The following BRD7 variants were observed in gnomAD, a reference collection of about 807,000 sequenced individuals.
The protein encoded by BRD7 is bromodomain containing 7.
A neutral mutation model predicts 82.1 loss-of-function variants in BRD7; 15 were observed. The observed-to-expected ratio is 0.18, with a 90% CI of 0.12 to 0.28. The LOEUF is 0.28. Among genes scored for constraint, BRD7 ranks in the 10% least tolerant of loss-of-function variants. BRD7 has a pLI of 1.00. For synonymous variants in BRD7, 232 were observed against 266.9 expected, an observed-to-expected ratio of 0.87 and a Z score of 1.27; for missense variants, 638 against 779.9, an observed-to-expected ratio of 0.82 and a Z score of 2.17.
At chr16:50,319,808 T>G in intron 16 of BRD7, 79 bp downstream of exon 16, 2 of 1,528,840 alleles carry the variant, frequency 1.3e-6, no homozygotes, top group Non-Finnish European at 1.8e-6. Flanking sequence ...GAGGTCCTGA[T>G]ACCAATCTCG....
chr16:50,366,510 T>C (rs1366217079), intron 2 of BRD7, among the ~76,000 whole-genome samples: 1 of 152,254 alleles, frequency 6.6e-6, no homozygotes, highest in Non-Finnish European at 1.5e-5. Context: ...CAGATCTATA[T>C]TTGCATACTA....
At chr16:50,338,753 G>C (rs1217185891) in intron 6 of BRD7, among the ~76,000 whole-genome samples, 1 of 152,120 alleles carries the variant, frequency 6.6e-6, no homozygotes, top group Non-Finnish European at 1.5e-5. Flanking sequence ...CCCTTCTTTA[G>C]GGATGAGAAC....
intron 1 of BRD7, 60 bp from the exon 2 acceptor site, chr16:50,368,358 G>A (rs1358112915): frequency 1.1e-5 from 17 of 1,538,482 alleles, no homozygotes; most frequent in Non-Finnish European, 1.5e-5. Flanking sequence ...GCTCTCCAGG[G>A]AGTGCTAAGG....
chr16:50,344,879 A>T (rs1170000457), intron 5 of BRD7, among the ~76,000 whole-genome samples: 1 of 152,226 alleles, frequency 6.6e-6, no homozygotes, highest in African/African-American at 2.4e-5. Context: ...CCAACCTAGC[A>T]AGGCAGGCCA....
chr16:50,325,879 T>C lies in BRD7; in HGVS notation c.1200A>G (p.Leu400=), dbSNP rs2037317691. ...AACTGTAGGGCCCATAATTCAAATATAACACTGTTGAAAAAATCAAATACT... is the reference window on the plus strand; with the variant it reads ...AACTGTAGGGCCCATAATTCAAATACAACACTGTTGAAAAAATCAAATACT... ...EDKRNKVTPV[L]YLNYGPYSSY... Residue 400 remains leucine (L), a synonymous_variant, in exon 11 of 17, where the codon TTA becomes TTG. Transcript: ENST00000394688. The C allele has an allele frequency of 6.3e-7, 1 of 1,587,492 alleles. No individual in the cohort carries two copies. The highest frequency in any genetic ancestry group is 8.5e-7 in the Non-Finnish European group (1 of 1,173,350).
At chr16:50,352,933 C>A (rs1208497944) in intron 4 of BRD7, among the ~76,000 whole-genome samples, 1 of 152,060 alleles carries the variant, frequency 6.6e-6, no homozygotes, top group Non-Finnish European at 1.5e-5. Context: ...TACAGTCACA[C>A]CTTGTAAATT....
chr16:50,322,005 G>C lies in BRD7; in HGVS notation c.1477C>G (p.Leu493Val), dbSNP rs1188643017. 8.1e-6 allele frequency: 13 copies of C among 1,611,134 alleles called. No individual in the cohort carries two copies. The highest frequency in any genetic ancestry group is 1.0e-5 in the Non-Finnish European group (12 of 1,179,350). ...ACCTCCATTTCTTTTGCTGTGTCAA[G>C]TGTCCTAGTATGGCCTTCATCTTCA... ...LPEDEGHTRT[L>V]DTAKEMEITE... Residue 493 changes from leucine to valine, a missense_variant, in exon 13 of 17, where the codon CTT (leucine) becomes GTT (valine). Physicochemically the swap from Leu to Val is conservative, Grantham distance 32. Around this residue, in one of 3 missense-constraint regions of BRD7, gnomAD observed 402 missense variants for 500.8 expected, o/e 0.80. Transcript: ENST00000394688.
chr16:50,358,029 TA>T (rs2038804649), intron 2 of BRD7, among the ~76,000 whole-genome samples: 1 of 152,098 alleles, frequency 6.6e-6, no homozygotes, highest in Non-Finnish European at 1.5e-5. Flanking sequence ...GGCCAAACTG[TA>T]AACATTTAGG....
chr16:50,344,596 T>A (rs9930316), intron 5 of BRD7, among the ~76,000 whole-genome samples: 1 of 152,074 alleles, frequency 6.6e-6, no homozygotes, highest in African/African-American at 2.4e-5. Context: ...CTGAAAATCA[T>A]GGCACGAGGA....
intron 15 of BRD7, 55 bp from the exon 16 acceptor site, chr16:50,320,085 C>CT (rs1339786504): frequency 1.9e-6 from 3 of 1,557,788 alleles, no homozygotes; most frequent in Admixed American, 4.0e-5. Context: ...TAGATAGAGG[C>CT]ATCCCAAAGA....
Position 50,368,872 on chromosome 16 carries a change from C to T in BRD7, c.-98G>A. ...GGCGAGCGGAGGGCGGGAGCGGGGC[C>T]CGCGAGACCCCGCGCCGCGAGGCAG... On this transcript the variant is annotated 5_prime_UTR_variant, in exon 1 of 17. Coordinates refer to ENST00000394688, the MANE Select transcript of BRD7 (RefSeq NM_013263.5). The T allele has an allele frequency of 1.3e-6, 1 of 766,978 alleles. No homozygotes were observed. The highest frequency in any genetic ancestry group is 1.6e-6 in the Non-Finnish European group (1 of 614,544). The allele number at this position is 766,978 out of a possible 1,614,324, so 47.5% of individuals were successfully genotyped here.
chr16:50,336,632 C>T (rs9930290), intron 6 of BRD7, among the ~76,000 whole-genome samples: 38,854 of 152,010 alleles, frequency 0.26, 5,935 homozygotes, highest in African/African-American at 0.42. Flanking sequence ...TTTAAAAACA[C>T]GTTTTATTTT....
intron 11 of BRD7, among the ~76,000 whole-genome samples, chr16:50,324,237 TCACATCC>T (rs2151137003): frequency 6.6e-6 from 1 of 152,172 alleles, no homozygotes; most frequent in Non-Finnish European, 1.5e-5. Flanking sequence ...CATCTCTCTC[TCACATCC>T]CACTTCAATC....
At chr16:50,368,454 G>A (rs1597110974) in intron 1 of BRD7, 156 bp from the exon 2 acceptor site, 8 of 891,536 alleles carry the variant, frequency 9.0e-6, no homozygotes, top group South Asian at 7.2e-5. Flanking sequence ...CGGCCCGGGG[G>A]TGCGGCGGCG....
At chr16:50,355,004 A>G (rs1445645634) in intron 2 of BRD7, 82 bp from the exon 3 acceptor site, 43 of 1,461,194 alleles carry the variant, frequency 2.9e-5, no homozygotes, top group Non-Finnish European at 3.8e-5. Context: ...AGGGGTAAAA[A>G]GACATCATTG....
Position 50,334,769 on chromosome 16 carries a change from C to A in BRD7, c.829G>T (p.Glu277Ter). Residue 277 changes from glutamate to a stop codon, truncating the protein, a stop_gained, in exon 7 of 17, where the codon GAG (glutamate) becomes TAG (stop). Coordinates refer to ENST00000394688, the MANE Select transcript of BRD7 (RefSeq NM_013263.5). LOFTEE classifies it high-confidence loss of function. ...EDGGCWQRER[E>*]DSGDAEAHAF... ...TGTGCTTCGGCATCTCCAGAGTCCT[C>A]TCTCTCTCTCTGCCAGCAGCCTCCG... is the stretch of plus-strand genomic sequence containing the variant. The A allele has an allele frequency of 6.2e-7, 1 of 1,607,612 alleles. No homozygotes were observed. The highest frequency in any genetic ancestry group is 8.5e-7 in the Non-Finnish European group (1 of 1,175,778).
intron 10 of BRD7, 91 bp from the exon 11 acceptor site, chr16:50,325,974 C>T: frequency 1.5e-6 from 2 of 1,304,132 alleles, no homozygotes; most frequent in Non-Finnish European, 2.1e-6. Flanking sequence ...TCTCTCCTAA[C>T]TTTACTACTT....
chr16:50,325,478 C>T (rs911171152), intron 11 of BRD7, among the ~76,000 whole-genome samples: 1 of 152,032 alleles, frequency 6.6e-6, no homozygotes, highest in Non-Finnish European at 1.5e-5. Flanking sequence ...GTAACAAGTT[C>T]CTACACTTTA....
chr16:50,320,088 C>A, intron 15 of BRD7, 58 bp from the exon 16 acceptor site: 1 of 1,553,280 alleles, frequency 6.4e-7, no homozygotes, highest in Non-Finnish European at 8.7e-7. Flanking sequence ...ATAGAGGCAT[C>A]CCAAAGAACA....
Sources: gnomAD v4.1 joint callset for allele counts (sites outside exome capture counted in the v4.1 genomes callset) on GRCh38, gnomAD v4.1.1 for gene constraint, gnomAD v4.1.1 regional missense constraint, MANE v1.5 for transcripts, NCBI Gene and HGNC (gene_info 2026-07-23, HGNC 2026-07-21) for gene names.